Variants in ZFHX4 observed in about 807,000 individuals in gnomAD.
The protein encoded by ZFHX4 is zinc finger homeobox protein 4.
In ZFHX4, 56 loss-of-function variants were observed where a neutral mutation model predicts 267.6. That is an observed-to-expected ratio of 0.21 (90% CI 0.17 to 0.26). The LOEUF (loss-of-function observed/expected upper bound fraction) is 0.26. Among genes scored for constraint, ZFHX4 ranks in the 10% least tolerant of loss-of-function variants. The probability of loss-of-function intolerance (pLI) is 1.00; values close to 1 mark genes in which losing one functional copy is unlikely to be tolerated. For missense variants in ZFHX4, 4,332 were observed against 4,420.0 expected (o/e 0.98, Z 0.56); for synonymous variants, 1,778 against 1,665.6 (o/e 1.07, Z -1.64).
chr8:76,722,273 T>C (rs1349213925), intron 3 of ZFHX4, among the ~76,000 whole-genome samples: 1 of 152,078 alleles, frequency 6.6e-6, no homozygotes, highest in South Asian at 2.1e-4. Flanking sequence ...TCCTATACCA[T>C]ATCACATGCT....
chr8:76,700,943 A>G, intron 1 of ZFHX4, among the ~76,000 whole-genome samples: 1 of 152,104 alleles, frequency 6.6e-6, no homozygotes, highest in Non-Finnish European at 1.5e-5. Flanking sequence ...GTCATTTTGG[A>G]ATTAATTCTA....
At chr8:76,791,917 A>G (rs1810848566) in intron 4 of ZFHX4, among the ~76,000 whole-genome samples, 1 of 152,186 alleles carries the variant, frequency 6.6e-6, no homozygotes, top group Non-Finnish European at 1.5e-5. Flanking sequence ...TTACTCATGA[A>G]TATGCATCAT....
chr8:76,824,347 T>C (rs1585982264), intron 4 of ZFHX4, among the ~76,000 whole-genome samples: 1 of 152,332 alleles, frequency 6.6e-6, no homozygotes, highest in East Asian at 1.9e-4. Flanking sequence ...TGTGTACAGA[T>C]GAAAATTTTT....
In ZFHX4 at chr8:76,867,269, C is replaced by T. The variant is rs564710690; in HGVS notation, c.*2704C>T. On this transcript the variant is annotated 3_prime_UTR_variant, in exon 11 of 11. Transcript: ENST00000651372. Reference sequence around the variant, plus strand: ...GTTGCTCATTGTGATACATTAAAAACTGTATCTACATATTTACTATGTGTT... The same window carrying T: ...GTTGCTCATTGTGATACATTAAAAATTGTATCTACATATTTACTATGTGTT... 1 of 152,682 alleles carries T rather than the reference C, an allele frequency of 6.5e-6. No homozygotes were observed. The highest frequency in any genetic ancestry group is 1.9e-4 in the East Asian group (1 of 5,180). The allele number at this position is 152,682 out of a possible 1,614,324, so 9.5% of individuals were successfully genotyped here.
rs147186031 is a variant in ZFHX4 at position 76,734,791 on chromosome 8, C to G, written c.3093+26743C>G. On this transcript the variant is annotated intron_variant, in intron 3 of 10. Transcript: ENST00000651372. The stretch of plus-strand genomic sequence containing the variant: ...GGCATCGTACTAATTCAGCATCACA[C>G]TGTGTAGTCTTTGAAATATATTCAA... Among the ~76,000 whole-genome samples the G allele has an allele frequency of 4.6e-5, 7 of 152,276 alleles. No homozygotes were observed. The East Asian group carries it at 1.4e-3, about 29-fold the overall frequency.
At chr8:76,758,451 G>A (rs1809821543) in intron 3 of ZFHX4, among the ~76,000 whole-genome samples, 1 of 152,036 alleles carries the variant, frequency 6.6e-6, no homozygotes, top group African/African-American at 2.4e-5. Context: ...GCCATGATTG[G>A]GTTTTTGGGC....
intron 1 of ZFHX4, among the ~76,000 whole-genome samples, chr8:76,697,677 A>C: frequency 6.6e-6 from 1 of 152,044 alleles, no homozygotes; most frequent in Non-Finnish European, 1.5e-5. Context: ...GTGAAAGAAA[A>C]ATAATTCTGT....
chr8:76,758,346 C>T (rs191739066), intron 3 of ZFHX4, among the ~76,000 whole-genome samples: 49 of 152,006 alleles, frequency 3.2e-4, no homozygotes, highest in Admixed American at 2.4e-3. Context: ...AAGAAACATG[C>T]GTAAATGCAT....
chr8:76,828,086 T>A (rs1811834052), intron 4 of ZFHX4, among the ~76,000 whole-genome samples: 2 of 152,200 alleles, frequency 1.3e-5, no homozygotes. Context: ...CCACTTGAAA[T>A]CATTTTGAAT....
In ZFHX4 at chr8:76,706,377, G is replaced by A. The variant is rs761889928; in HGVS notation, c.2289G>A (p.Gln763=). ...CGTPSPSKPK[Q]KPTWRCEVCD... ...CACCCTCTCCGTCCAAACCCAAACA[G>A]AAACCCACCTGGCGGTGTGAAGTTT... Residue 763 remains glutamine, a synonymous_variant, in exon 2 of 11, where the codon CAG becomes CAA. Coordinates refer to ENST00000651372, the MANE Select transcript of ZFHX4 (RefSeq NM_024721.5). 1 of 1,614,082 alleles carries A rather than the reference G, an allele frequency of 6.2e-7. No individual in the cohort carries two copies. Among genetic ancestry groups the A allele is most frequent in the Non-Finnish European group, 8.5e-7 (1 of 1,179,974 alleles).
chr8:76,823,113 G>A (rs967464254), intron 4 of ZFHX4, among the ~76,000 whole-genome samples: 1 of 148,808 alleles, frequency 6.7e-6, no homozygotes, highest in Admixed American at 6.7e-5. Context: ...GAAGTGTGAT[G>A]GATGCTATAG....
At chr8:76,783,618 A>G (rs969296440) in intron 4 of ZFHX4, among the ~76,000 whole-genome samples, 1 of 151,996 alleles carries the variant, frequency 6.6e-6, no homozygotes, top group Non-Finnish European at 1.5e-5. Flanking sequence ...CAAGAGCATT[A>G]TGGTGTCTTT....
chr8:76,696,785 T>A (rs185120515), intron 1 of ZFHX4, among the ~76,000 whole-genome samples: 2 of 152,156 alleles, frequency 1.3e-5, no homozygotes, highest in East Asian at 3.9e-4. Flanking sequence ...TTCTCTATTA[T>A]GCTAGTCCTA....
At chr8:76,781,954 A>G (rs931023576) in intron 4 of ZFHX4, among the ~76,000 whole-genome samples, 7 of 152,062 alleles carry the variant, frequency 4.6e-5, no homozygotes, top group Non-Finnish European at 8.8e-5. Context: ...GTAGCTTAAC[A>G]TGTTTAATTT....
At chr8:76,714,157 C>T (rs1350668774) in intron 3 of ZFHX4, among the ~76,000 whole-genome samples, 1 of 152,172 alleles carries the variant, frequency 6.6e-6, no homozygotes, top group East Asian at 1.9e-4. Flanking sequence ...GGTGTTCTCT[C>T]ATAATTAATG....
chr8:76,794,859 C>T (rs934905353), intron 4 of ZFHX4, among the ~76,000 whole-genome samples: 3 of 149,200 alleles, frequency 2.0e-5, no homozygotes, highest in South Asian at 2.1e-4. Context: ...ATGGAGAAGG[C>T]GGCTGGCCTG....
chr8:76,856,529 T>C (rs956516626), intron 10 of ZFHX4, among the ~76,000 whole-genome samples: 2 of 152,196 alleles, frequency 1.3e-5, no homozygotes, highest in African/African-American at 4.8e-5. Context: ...GATTCTCAGA[T>C]ATATATTAAT....
At chr8:76,782,241 A>C (rs1362387996) in intron 4 of ZFHX4, 2 of 422,930 alleles carry the variant, frequency 4.7e-6, no homozygotes. Flanking sequence ...GATGTGAGGA[A>C]TTTCTGGAGA....
intron 10 of ZFHX4, among the ~76,000 whole-genome samples, chr8:76,856,575 T>G (rs1812734203): frequency 6.6e-6 from 1 of 152,182 alleles, no homozygotes; most frequent in African/African-American, 2.4e-5. Context: ...CATAGAAATA[T>G]TTTATTTTTA....
Sources: gnomAD v4.1 joint callset for allele counts (sites outside exome capture counted in the v4.1 genomes callset) on GRCh38, gnomAD v4.1.1 for gene constraint, MANE v1.5 for transcripts, NCBI Gene and HGNC (gene_info 2026-07-23, HGNC 2026-07-21) for gene names.